FBLN1: variants seen among roughly 807,000 people sequenced by gnomAD.
The protein encoded by FBLN1 is fibulin 1, also known as fibulin-1.
Under a neutral mutation model 89.7 loss-of-function variants are expected in FBLN1, and 34 were observed. The ratio of observed to expected loss-of-function variants is 0.38; its 90% CI spans 0.29 to 0.50. The LOEUF is 0.50. FBLN1 is among the 20% of genes least tolerant of loss of function. The probability of loss-of-function intolerance (pLI) is 0.92; values close to 1 mark genes in which losing one functional copy is unlikely to be tolerated. For missense variants in FBLN1, 777 were observed against 988.1 expected (o/e 0.79, Z 2.86); for synonymous variants, 393 against 391.3 (o/e 1.00, Z -0.05).
rs374214198 is a variant in FBLN1, at chr22:45,562,869, G to A, written c.1698-11642G>A. On this transcript the variant is annotated intron_variant, in intron 14 of 16. Coordinates refer to ENST00000327858, the MANE Select transcript of FBLN1 (RefSeq NM_006486.3). The surrounding 1 kb of genome is among the most constrained non-coding windows in gnomAD (Gnocchi z 7.8). ...CTGCCGTTTCTCCGCTTGCTGGACC[G>A]GCCCTAACCCTCTTCTTGTCTCTCT... 14 of 1,587,292 alleles carry A rather than the reference G, an allele frequency of 8.8e-6. No individual in the cohort carries two copies. Among genetic ancestry groups the A allele is most frequent in the African/African-American group, 2.7e-5 (2 of 74,514 alleles).
rs1290669646 is a variant in FBLN1, at chr22:45,592,484, T to A, written c.1973-7823T>A. 2.0e-5 allele frequency among the ~76,000 whole-genome samples: 3 copies of A among 152,246 alleles called. No individual in the cohort carries two copies. In the East Asian group the frequency reaches 5.8e-4, roughly 29 times the overall value. Reference sequence around the variant, plus strand: ...CTGGGATTATAGGCGCCTGCCACCATGCCCAGCTAATTTTTGTATTTTTAG... The same window carrying A: ...CTGGGATTATAGGCGCCTGCCACCAAGCCCAGCTAATTTTTGTATTTTTAG... On this transcript the variant is annotated intron_variant, in intron 16 of 16. Coordinates refer to ENST00000327858, the MANE Select transcript of FBLN1 (RefSeq NM_006486.3).
In FBLN1 at chr22:45,579,507, G is replaced by C. The variant is rs571319729; in HGVS notation, c.1972+2399G>C. Among the ~76,000 whole-genome samples the C allele has an allele frequency of 6.6e-6, 1 of 152,364 alleles. No homozygotes were observed. The highest frequency in any genetic ancestry group is 6.5e-5 in the Admixed American group (1 of 15,310). On this transcript the variant is annotated intron_variant, in intron 16 of 16. Transcript: ENST00000327858. This position sits in a 1 kb window ranked among gnomAD's most constrained non-coding sequence, Gnocchi z 5.5. ...GGGTGCCCTGGTCTTTGGAATTCTG[G>C]GCTGGGGCTGCGTGGGGGAGGGCCC...
chr22:45,509,548 T>C (rs2238802), intron 1 of FBLN1, among the ~76,000 whole-genome samples: 61,834 of 151,974 alleles, frequency 0.41, 12,997 homozygotes, highest in East Asian at 0.57. Context: ...GGGACACGAG[T>C]CTGTCCTCAT....
intron 12 of FBLN1, among the ~76,000 whole-genome samples, chr22:45,548,334 C>T (rs934355332): frequency 3.9e-5 from 6 of 152,240 alleles, no homozygotes; most frequent in Admixed American, 2.6e-4. Context: ...CAGGCATGAG[C>T]CAGTGCACCC....
At chr22:45,511,666 C>G (rs978053154) in intron 1 of FBLN1, among the ~76,000 whole-genome samples, 2 of 152,008 alleles carry the variant, frequency 1.3e-5, no homozygotes, top group African/African-American at 4.8e-5. Flanking sequence ...AGGCTGGTCT[C>G]GAACTCCTGG....
chr22:45,600,622 GT>G lies in FBLN1; in HGVS notation c.*179del, dbSNP rs1427909700. The G allele has an allele frequency of 6.4e-6, 5 of 777,050 alleles. No homozygotes were observed. The highest frequency in any genetic ancestry group is 1.7e-5 in the African/African-American group (1 of 58,062). 48.1% of individuals were successfully genotyped at this position (777,050 alleles called of 1,614,324 possible). A position where few individuals can be genotyped will look rare whatever the true frequency, so the allele number is the denominator to read the frequency against. ...TAAGTCCATCTGATGTATTTTCGGT[GT>G]TTAAAAAATGAGCCCAGTTGCTCAA... On this transcript the variant is annotated 3_prime_UTR_variant, in exon 17 of 17. Transcript: ENST00000327858.
rs949376902 is a variant in FBLN1, at chr22:45,530,953, A to G, written c.485-312A>G. On this transcript the variant is annotated intron_variant, in intron 4 of 16. Coordinates refer to ENST00000327858, the MANE Select transcript of FBLN1 (RefSeq NM_006486.3). This position sits in a 1 kb window ranked among gnomAD's most constrained non-coding sequence, Gnocchi z 5.4. ...TAATTTTTGTATTTTTAGTAGAGAC[A>G]GCATTTCACCGTGTTGGCCAGGATG... 6.6e-6 allele frequency among the ~76,000 whole-genome samples: 1 copy of G among 152,084 alleles called. No homozygotes were observed. The highest frequency in any genetic ancestry group is 1.5e-5 in the Non-Finnish European group (1 of 68,006).
chr22:45,562,313 A>G lies in FBLN1; in HGVS notation c.1697+11698A>G, dbSNP rs1248625390. Among the ~76,000 whole-genome samples the G allele has an allele frequency of 2.0e-5, 3 of 152,186 alleles. No homozygotes were observed. Among genetic ancestry groups the G allele is most frequent in the Non-Finnish European group, 4.4e-5 (3 of 68,032 alleles). On this transcript the variant is annotated intron_variant, in intron 14 of 16. Coordinates refer to ENST00000327858, the MANE Select transcript of FBLN1 (RefSeq NM_006486.3). This position sits in a 1 kb window ranked among gnomAD's most constrained non-coding sequence, Gnocchi z 7.8. ...CTGACCTCAATGGCTGAGTAGCGAT[A>G]TGGCTCCCTCACTCACTCTGTGACC...
At chr22:45,504,143 G>T (rs1366921352) in intron 1 of FBLN1, among the ~76,000 whole-genome samples, 1 of 149,876 alleles carries the variant, frequency 6.7e-6, no homozygotes. Flanking sequence ...TCTGGTGACC[G>T]CCTTTGTTAG....
At position 45,532,401 on chromosome 22, in the gene FBLN1, G is replaced by C. The variant is rs1444857773; in HGVS notation, c.545-662G>C. Among the ~76,000 whole-genome samples the C allele has an allele frequency of 1.3e-5, 2 of 152,176 alleles. No individual in the cohort carries two copies. The highest frequency in any genetic ancestry group is 4.8e-5 in the African/African-American group (2 of 41,444). ...AGGGTACTGGGAGGCAGTGGGCTGGGGAAGGAGGTGGGGTTACAGGGCCAG... is the reference window on the plus strand; with the variant it reads ...AGGGTACTGGGAGGCAGTGGGCTGGCGAAGGAGGTGGGGTTACAGGGCCAG... On this transcript the variant is annotated intron_variant, in intron 5 of 16. Transcript: ENST00000327858. This position sits in a 1 kb window ranked among gnomAD's most constrained non-coding sequence, Gnocchi z 4.2.
At chr22:45,586,237 C>G (rs535860024) in intron 16 of FBLN1, among the ~76,000 whole-genome samples, 2 of 152,200 alleles carry the variant, frequency 1.3e-5, no homozygotes, top group Non-Finnish European at 2.9e-5. Context: ...CACTGCACAC[C>G]CGAGATTGGT....
At chr22:45,573,788 C>T (rs1008913371) in intron 14 of FBLN1, among the ~76,000 whole-genome samples, 1 of 150,852 alleles carries the variant, frequency 6.6e-6, no homozygotes, top group Non-Finnish European at 1.5e-5. Context: ...AGTTGCGGGG[C>T]GTTTGGTGGC....
At chr22:45,510,495 G>A (rs2088084753) in intron 1 of FBLN1, among the ~76,000 whole-genome samples, 1 of 152,110 alleles carries the variant, frequency 6.6e-6, no homozygotes, top group South Asian at 2.1e-4. Flanking sequence ...AGGCCTCCCG[G>A]TTCCCAGCCC....
chr22:45,513,575 A>G (rs1017928674), intron 1 of FBLN1, among the ~76,000 whole-genome samples: 2 of 150,588 alleles, frequency 1.3e-5, no homozygotes, highest in African/African-American at 2.5e-5. Flanking sequence ...TTATTGTACA[A>G]TCATCACCAC....
chr22:45,547,160 G>A lies in FBLN1; in HGVS notation c.1397G>A (p.Arg466Gln), dbSNP rs770569480. 22 of 1,613,920 alleles carry A rather than the reference G, an allele frequency of 1.4e-5. No individual in the cohort carries two copies. Among genetic ancestry groups the A allele is most frequent in the East Asian group, 2.2e-5 (1 of 44,882 alleles). The part of the protein sequence containing the change: ...NVYGSYQCYC[R>Q]RGYQLSDVDG... Reference sequence around the variant, plus strand: ...TACGGCTCCTACCAGTGTTACTGCCGGCGAGGCTACCAGCTCAGCGATGTG... The same window carrying A: ...TACGGCTCCTACCAGTGTTACTGCCAGCGAGGCTACCAGCTCAGCGATGTG... The change falls in exon 12 of 17, where the codon CGG becomes CAG. Residue 466 changes from arginine to glutamine, a missense_variant. By Grantham distance (43) the Arg-to-Gln change is conservative. Transcript: ENST00000327858.
chr22:45,543,451 G>A lies in FBLN1; in HGVS notation c.1246G>A (p.Glu416Lys), dbSNP rs764896802. ...CGGGCGCCTGTGTGGCCACAAGTGC[G>A]AGAACACGCTGGGCTCCTACCTCTG... ...YPGRLCGHKC[E>K]NTLGSYLCSC... is the part of the protein sequence containing the mutation. Residue 416 changes from glutamate (E) to lysine (K), a missense_variant, in exon 11 of 17, where the codon GAG (glutamate) becomes AAG (lysine). Transcript: ENST00000327858. 2.0e-5 allele frequency: 33 copies of A among 1,613,670 alleles called. No homozygotes were observed. The East Asian group carries it at 2.7e-4, about 13-fold the overall frequency.
intron 1 of FBLN1, among the ~76,000 whole-genome samples, chr22:45,511,452 C>CTTTT (rs760422823): frequency 1.5e-4 from 19 of 130,688 alleles, no homozygotes; most frequent in South Asian, 7.5e-4. Context: ...CCATGCCTGG[C>CTTTT]TTTTTTTTTT....
intron 1 of FBLN1, among the ~76,000 whole-genome samples, chr22:45,516,978 C>T (rs760814427): frequency 4.5e-4 from 69 of 152,238 alleles, no homozygotes; most frequent in Non-Finnish European, 7.1e-4. Flanking sequence ...CTGCAAGTTT[C>T]CCCTCCTCCC....
At chr22:45,546,849 C>G (rs564045799) in intron 11 of FBLN1, among the ~76,000 whole-genome samples, 1 of 152,180 alleles carries the variant, frequency 6.6e-6, no homozygotes, top group African/African-American at 2.4e-5. Context: ...TGGAGGCGAT[C>G]GCTGCCATCC....
Sources: gnomAD v4.1 joint callset for allele counts (sites outside exome capture counted in the v4.1 genomes callset) on GRCh38, gnomAD v4.1.1 for gene constraint, Gnocchi (gnomAD v3.1) non-coding constraint, MANE v1.5 for transcripts, NCBI Gene and HGNC (gene_info 2026-07-23, HGNC 2026-07-21) for gene names.